The following MBOAT2 variants were observed in gnomAD, a reference collection of about 807,000 sequenced individuals.
The protein encoded by MBOAT2 is membrane-bound glycerophospholipid O-acyltransferase 2.
MBOAT2 carries 28 observed loss-of-function variants against 63.4 expected under a neutral mutation model. That is an observed-to-expected ratio of 0.44 (90% CI 0.33 to 0.61). MBOAT2 has a LOEUF of 0.61. MBOAT2 is among the 20% of genes least tolerant of loss of function. The pLI is 0.03. For missense variants in MBOAT2, 470 were observed against 605.8 expected (o/e 0.78, Z 2.35); for synonymous variants, 211 against 215.6 (o/e 0.98, Z 0.19).
Position 8,984,898 on chromosome 2 carries a change from G to A in MBOAT2, c.75+18642C>T, listed in dbSNP as rs551513521. On this transcript the variant is annotated intron_variant, in intron 1 of 12. Transcript: ENST00000305997. Reference sequence around the variant, plus strand: ...GAGGAGTCAGACAGGAAAGCCAGTCGCCCCCAATGGTCTGAACAAGGGGAA... The same window carrying A: ...GAGGAGTCAGACAGGAAAGCCAGTCACCCCCAATGGTCTGAACAAGGGGAA... 7.2e-5 allele frequency among the ~76,000 whole-genome samples: 11 copies of A among 152,112 alleles called. No homozygotes were observed. In the South Asian group the frequency reaches 2.1e-3, roughly 29 times the overall value.
chr2:8,980,379 C>G (rs1671114901), intron 1 of MBOAT2, among the ~76,000 whole-genome samples: 3 of 152,246 alleles, frequency 2.0e-5, no homozygotes, highest in Non-Finnish European at 2.9e-5. Context: ...TAGCCCTGAC[C>G]AAGTAACCTC....
At chr2:8,886,330 C>G (rs1663548995) in intron 5 of MBOAT2, among the ~76,000 whole-genome samples, 1 of 152,212 alleles carries the variant, frequency 6.6e-6, no homozygotes, top group Non-Finnish European at 1.5e-5. Flanking sequence ...TGCTTGGAAT[C>G]TTTTCACTGT....
At chr2:8,950,162 C>T (rs901261610) in intron 2 of MBOAT2, among the ~76,000 whole-genome samples, 1 of 152,034 alleles carries the variant, frequency 6.6e-6, no homozygotes, top group East Asian at 1.9e-4. Context: ...TTCTATACAT[C>T]GATCTTGTAG....
rs777109849 is a variant in MBOAT2, at chr2:8,888,071, G to A, written c.398C>T (p.Pro133Leu). The change falls in exon 5 of 13, where the codon CCA becomes CTA. Residue 133 changes from proline (P) to leucine (L), a missense_variant and splice_region_variant. Physicochemically the swap from Pro to Leu is moderately conservative, Grantham distance 98. This residue lies in a region of MBOAT2 where 376 missense variants were observed against 503.8 expected (regional missense o/e 0.75). Transcript: ENST00000305997. ...YGQYSADFSG[P>L]MMIITQKITS... The stretch of plus-strand genomic sequence containing the variant: ...GATCTTCTGAGTAATGATCATCATT[G>A]GGCTGTGACAAGATAAAAAAAATTA... 6.2e-7 allele frequency: 1 copy of A among 1,611,572 alleles called. No individual in the cohort carries two copies. Among genetic ancestry groups the A allele is most frequent in the Non-Finnish European group, 8.5e-7 (1 of 1,178,832 alleles).
intron 1 of MBOAT2, among the ~76,000 whole-genome samples, chr2:8,973,057 G>C (rs1670564104): frequency 6.6e-6 from 1 of 152,158 alleles, no homozygotes; most frequent in Admixed American, 6.5e-5. Context: ...CTGTTATAAA[G>C]ATAAATGCAC....
chr2:8,873,265 C>A lies in MBOAT2; in HGVS notation c.726G>T (p.Leu242=). 2 of 1,614,116 alleles carry A rather than the reference C, an allele frequency of 1.2e-6. No homozygotes were observed. The highest frequency in any genetic ancestry group is 1.7e-6 in the Non-Finnish European group (2 of 1,179,960). Residue 242 remains leucine, a synonymous_variant, in exon 8 of 13, where the codon CTG becomes CTT. Coordinates refer to ENST00000305997, the MANE Select transcript of MBOAT2 (RefSeq NM_138799.4). ...AGATGGTCAAGTGAAATAACAAGGA[C>A]AGCCCACAAACTAAGAGCTTCTGAA... ...AVVQKLLVCG[L]SLLFHLTICT...
At chr2:8,891,683 C>G (rs1276529243) in intron 4 of MBOAT2, among the ~76,000 whole-genome samples, 1 of 152,184 alleles carries the variant, frequency 6.6e-6, no homozygotes, top group African/African-American at 2.4e-5. Context: ...CTAGGAAAGT[C>G]TGGGATACCT....
chr2:8,877,260 G>T, intron 6 of MBOAT2, 47 bp from the exon 7 acceptor site: 1 of 1,541,994 alleles, frequency 6.5e-7, no homozygotes. Flanking sequence ...ATAAGCTTCA[G>T]AACATCTGAT....
intron 1 of MBOAT2, among the ~76,000 whole-genome samples, chr2:8,965,557 T>C (rs1341210731): frequency 6.6e-6 from 1 of 152,202 alleles, no homozygotes; most frequent in East Asian, 1.9e-4. Flanking sequence ...TACAAAAATG[T>C]TATCCACAAA....
At chr2:8,890,520 T>C (rs1015763665) in intron 4 of MBOAT2, among the ~76,000 whole-genome samples, 2 of 152,164 alleles carry the variant, frequency 1.3e-5, no homozygotes, top group Non-Finnish European at 2.9e-5. Context: ...ATGTGCTAAA[T>C]GTAAAAAAAT....
chr2:8,966,167 T>C (rs1383451170), intron 1 of MBOAT2, among the ~76,000 whole-genome samples: 1 of 152,192 alleles, frequency 6.6e-6, no homozygotes, highest in Non-Finnish European at 1.5e-5. Flanking sequence ...TCAAAGTGTA[T>C]ATCAAAGTTC....
intron 2 of MBOAT2, among the ~76,000 whole-genome samples, chr2:8,956,296 A>G (rs1400463413): frequency 6.6e-6 from 1 of 152,240 alleles, no homozygotes; most frequent in Non-Finnish European, 1.5e-5. Flanking sequence ...CAGTTAGCAA[A>G]GAGTTATCTT....
intron 1 of MBOAT2, among the ~76,000 whole-genome samples, chr2:8,992,932 C>T (rs1382973928): frequency 1.3e-5 from 2 of 152,148 alleles, no homozygotes; most frequent in Non-Finnish European, 2.9e-5. Context: ...TCTGCTGCTG[C>T]CAAAAAGCCA....
Position 8,856,582 on chromosome 2 carries a change from T to C in MBOAT2, c.*2097A>G, listed in dbSNP as rs1382914696. On this transcript the variant is annotated 3_prime_UTR_variant, in exon 13 of 13. Transcript: ENST00000305997. This position sits in a 1 kb window ranked among gnomAD's most constrained non-coding sequence, Gnocchi z 4.2. ...CTTTTTTTTTTTTTGTGAGACGGAG[T>C]CTTCCTCTGTCACCCAGGCTGGAGT... 6.7e-6 allele frequency: 1 copy of C among 149,772 alleles called. No homozygotes were observed. The highest frequency in any genetic ancestry group is 2.5e-5 in the African/African-American group (1 of 40,556). The allele number at this position is 149,772 out of a possible 1,614,324, so 9.3% of individuals were successfully genotyped here.
At position 8,896,238 on chromosome 2, in the gene MBOAT2, C is replaced by CAAA. The variant is rs967667476; in HGVS notation, c.396-8168_396-8166dup. Among the ~76,000 whole-genome samples, 21 of 51,088 alleles carry CAAA rather than the reference C, an allele frequency of 4.1e-4. 1 individual carries two copies. The highest frequency in any genetic ancestry group is 9.0e-4 in the African/African-American group (13 of 14,432). The allele number at this position is 51,088 out of a possible 152,430, so 33.5% of individuals were successfully genotyped here. A position where few individuals can be genotyped will look rare whatever the true frequency, so the allele number is the denominator to read the frequency against. ...TGGGTGACAGAGTGAGACTCCGTCT[C>CAAA]AAAAAAAAAAAAAAAAAAAAAGAGT... is the stretch of plus-strand genomic sequence containing the variant. On this transcript the variant is annotated intron_variant, in intron 4 of 12. Transcript: ENST00000305997.
chr2:8,932,752 G>C (rs1398767161), intron 3 of MBOAT2, among the ~76,000 whole-genome samples: 2 of 149,932 alleles, frequency 1.3e-5, no homozygotes, highest in Admixed American at 6.6e-5. Context: ...ACAGTATTTA[G>C]GAGAAAAAAA....
intron 3 of MBOAT2, among the ~76,000 whole-genome samples, chr2:8,933,666 A>C (rs1448573265): frequency 1.3e-5 from 2 of 152,138 alleles, no homozygotes; most frequent in Non-Finnish European, 2.9e-5. Flanking sequence ...TAATTGATTA[A>C]TTTGGGGCAT....
intron 6 of MBOAT2, among the ~76,000 whole-genome samples, chr2:8,877,801 G>A (rs1288446463): frequency 6.6e-6 from 1 of 152,184 alleles, no homozygotes; most frequent in Non-Finnish European, 1.5e-5. Flanking sequence ...GTTGGTGACA[G>A]GGGTTCCAGG....
At chr2:8,864,827 T>G (rs1009032159) in intron 9 of MBOAT2, among the ~76,000 whole-genome samples, 1 of 152,140 alleles carries the variant, frequency 6.6e-6, no homozygotes, top group Non-Finnish European at 1.5e-5. Flanking sequence ...GCCTTTCATC[T>G]CCCACCCTGT....
Sources: gnomAD v4.1 joint callset for allele counts (sites outside exome capture counted in the v4.1 genomes callset) on GRCh38, gnomAD v4.1.1 for gene constraint, gnomAD v4.1.1 regional missense constraint, Gnocchi (gnomAD v3.1) non-coding constraint, MANE v1.5 for transcripts, NCBI Gene and HGNC (gene_info 2026-07-23, HGNC 2026-07-21) for gene names.